The following SLC10A7 variants were observed in gnomAD, a reference collection of about 807,000 sequenced individuals.
SLC10A7 encodes the protein solute carrier family 10 member 7, also known as sodium/bile acid cotransporter 7.
SLC10A7 carries 29 observed loss-of-function variants against 43.2 expected under a neutral mutation model. That is an observed-to-expected ratio of 0.67 (90% confidence interval 0.50 to 0.92). The LOEUF is 0.92. SLC10A7 is among the 40% of genes least tolerant of loss of function. SLC10A7 has a pLI of 0.00. For missense variants in SLC10A7, 295 were observed against 403.2 expected, an observed-to-expected ratio of 0.73 and a Z score of 2.30; for synonymous variants, 152 against 144.8, an observed-to-expected ratio of 1.05 and a Z score of -0.35.
intron 1 of SLC10A7, among the ~76,000 whole-genome samples, chr4:146,521,210 T>C (rs1406474976): frequency 6.7e-6 from 1 of 149,624 alleles, no homozygotes; most frequent in Non-Finnish European, 1.5e-5. Context: ...TTCCTCCACT[T>C]TTTTTTTTAA....
intron 10 of SLC10A7, among the ~76,000 whole-genome samples, chr4:146,260,670 T>G (rs1728166610): frequency 6.6e-6 from 1 of 152,240 alleles, no homozygotes; most frequent in Non-Finnish European, 1.5e-5. Flanking sequence ...GGAAAATTTC[T>G]TAGTGGTAGG....
intron 6 of SLC10A7, among the ~76,000 whole-genome samples, chr4:146,324,185 A>C (rs1560798593): frequency 6.6e-6 from 1 of 152,176 alleles, no homozygotes; most frequent in Admixed American, 6.5e-5. Flanking sequence ...GATACAAACA[A>C]ATGGAAGAAC....
intron 5 of SLC10A7, among the ~76,000 whole-genome samples, chr4:146,368,176 C>T (rs2149774089): frequency 6.6e-6 from 1 of 152,260 alleles, no homozygotes; most frequent in East Asian, 1.9e-4. Flanking sequence ...TAAGAGATGA[C>T]ACATGCATGT....
At chr4:146,351,154 T>C (rs1359487939) in intron 5 of SLC10A7, among the ~76,000 whole-genome samples, 5 of 150,952 alleles carry the variant, frequency 3.3e-5, no homozygotes, top group Admixed American at 2.0e-4. Flanking sequence ...GAAGAATGTA[T>C]AACTAGAATA....
chr4:146,344,740 C>T (rs1734499588), intron 5 of SLC10A7, among the ~76,000 whole-genome samples: 1 of 152,096 alleles, frequency 6.6e-6, no homozygotes, highest in South Asian at 2.1e-4. Flanking sequence ...TTAAGCCAGG[C>T]ATTAAAGAGA....
chr4:146,284,512 G>T (rs72727996), intron 9 of SLC10A7, among the ~76,000 whole-genome samples: 1 of 152,010 alleles, frequency 6.6e-6, no homozygotes, highest in African/African-American at 2.4e-5. Context: ...TGTGTCAAGA[G>T]AATATTTAAA....
At chr4:146,305,885 T>C in intron 7 of SLC10A7, 41 bp downstream of exon 7, 1 of 1,500,046 alleles carries the variant, frequency 6.7e-7, no homozygotes, top group Non-Finnish European at 9.1e-7. Context: ...TTTCACAATT[T>C]GATCCATAAA....
At chr4:146,311,561 T>G (rs1731978882) in intron 6 of SLC10A7, among the ~76,000 whole-genome samples, 1 of 152,184 alleles carries the variant, frequency 6.6e-6, no homozygotes, top group Non-Finnish European at 1.5e-5. Flanking sequence ...ATGATTGGTC[T>G]TCACTTTCAT....
intron 9 of SLC10A7, among the ~76,000 whole-genome samples, chr4:146,290,096 G>A (rs780345390): frequency 5.3e-4 from 79 of 150,390 alleles, no homozygotes; most frequent in Non-Finnish European, 2.8e-4. Context: ...AGGCCAAGGT[G>A]GGCGGATCAC....
chr4:146,378,915 TTCTCACAATTGAGTATTAGAACAGTC>T (rs1367932044), intron 5 of SLC10A7, among the ~76,000 whole-genome samples: 61 of 152,334 alleles, frequency 4.0e-4, no homozygotes, highest in African/African-American at 1.4e-3. Flanking sequence ...GATAATCTGC[TTCTCACAATTGAGTATTAGAACAGTC>T]AAGAGACCAC....
At chr4:146,397,818 A>G (rs1371116009) in intron 5 of SLC10A7, among the ~76,000 whole-genome samples, 2 of 152,216 alleles carry the variant, frequency 1.3e-5, no homozygotes, top group Non-Finnish European at 2.9e-5. Context: ...AGCAGAGGAA[A>G]CACCTTTAGG....
intron 7 of SLC10A7, among the ~76,000 whole-genome samples, chr4:146,302,607 A>G (rs193004185): frequency 5.0e-4 from 76 of 152,296 alleles, no homozygotes; most frequent in Non-Finnish European, 8.8e-5. Context: ...GTCAAATGAG[A>G]AACAAGTTGA....
intron 6 of SLC10A7, among the ~76,000 whole-genome samples, chr4:146,316,613 A>AT (rs535518282): frequency 3.4e-4 from 51 of 151,936 alleles, no homozygotes; most frequent in African/African-American, 1.1e-3. Flanking sequence ...AGTTTGTGGT[A>AT]TTTTTTTTAC....
intron 4 of SLC10A7, among the ~76,000 whole-genome samples, chr4:146,481,616 GC>G (rs1734483205): frequency 3.9e-5 from 6 of 152,300 alleles, no homozygotes; most frequent in Admixed American, 3.3e-4. Context: ...ACTATGCTGT[GC>G]CCCCCAGGGG....
intron 4 of SLC10A7, among the ~76,000 whole-genome samples, chr4:146,467,611 G>A (rs375050949): frequency 1.6e-5 from 2 of 124,782 alleles, no homozygotes; most frequent in Admixed American, 1.0e-4. Flanking sequence ...TTCCCAGGCT[G>A]AAGTGCAATG....
In SLC10A7 at chr4:146,371,348, G is replaced by A. The variant is rs549973044; in HGVS notation, c.436-45352C>T. Reference sequence around the variant, plus strand: ...CTTGTTAGATGGTTAATAATTATTCGTTTGCTTGTTTGCTTTCTTCCTTGT... The same window carrying A: ...CTTGTTAGATGGTTAATAATTATTCATTTGCTTGTTTGCTTTCTTCCTTGT... On this transcript the variant is annotated intron_variant, in intron 5 of 11. Transcript: ENST00000335472. Among the ~76,000 whole-genome samples the A allele has an allele frequency of 5.3e-5, 8 of 151,982 alleles. No individual in the cohort carries two copies. The South Asian group carries it at 1.3e-3, about 24-fold the overall frequency.
At chr4:146,300,779 CT>C (rs35251594) in intron 7 of SLC10A7, among the ~76,000 whole-genome samples, 4 of 151,872 alleles carry the variant, frequency 2.6e-5, no homozygotes, top group African/African-American at 4.8e-5. Context: ...AAAAGATATA[CT>C]TTTTTTTCAG....
intron 4 of SLC10A7, among the ~76,000 whole-genome samples, chr4:146,491,495 T>C (rs1031013816): frequency 6.7e-6 from 1 of 149,794 alleles, no homozygotes; most frequent in South Asian, 2.1e-4. Context: ...TTTTCCAAGA[T>C]TGGAGAGAAG....
chr4:146,442,914 A>C, intron 4 of SLC10A7, 93 bp from the exon 5 acceptor site: 1 of 891,996 alleles, frequency 1.1e-6, no homozygotes. Context: ...CCCACTATTC[A>C]AAACCTTAAA....
Sources: allele counts gnomAD v4.1 joint callset (sites outside exome capture counted in the v4.1 genomes callset), GRCh38; gene constraint gnomAD v4.1.1; transcripts MANE v1.5; gene names NCBI Gene and HGNC (gene_info 2026-07-23, HGNC 2026-07-21).